The following DLGAP1 variants were observed in gnomAD, a reference collection of about 807,000 sequenced individuals.
DLGAP1 encodes the protein disks large-associated protein 1.
A neutral mutation model predicts 90.8 loss-of-function variants in DLGAP1; 11 were observed. The ratio of observed to expected loss-of-function variants is 0.12; its 90% CI spans 0.08 to 0.20. The LOEUF is 0.20. DLGAP1 is among the 10% of genes least tolerant of loss of function. The pLI, the probability that DLGAP1 is intolerant of heterozygous loss-of-function variation, is 1.00. For missense variants in DLGAP1, 1,050 were observed against 1,333.8 expected (o/e 0.79, Z 3.31); for synonymous variants, 558 against 540.7 (o/e 1.03, Z -0.44).
At chr18:3,608,662 T>A (rs755711299) in intron 7 of DLGAP1, among the ~76,000 whole-genome samples, 4 of 152,132 alleles carry the variant, frequency 2.6e-5, no homozygotes, top group Non-Finnish European at 5.9e-5. Flanking sequence ...CACGAGGGAA[T>A]GCTCTGACCT....
chr18:4,415,295 A>G (rs1270473539), intron 1 of DLGAP1, among the ~76,000 whole-genome samples: 1 of 152,162 alleles, frequency 6.6e-6, no homozygotes, highest in Non-Finnish European at 1.5e-5. Flanking sequence ...CAACTTTCTT[A>G]ATTAGTATCT....
At chr18:3,772,159 TCTTTCTCTCCTTC>T (rs1201746333) in intron 5 of DLGAP1, among the ~76,000 whole-genome samples, 57 of 128,146 alleles carry the variant, frequency 4.4e-4, no homozygotes, top group South Asian at 2.4e-3. Flanking sequence ...TCCTTCCCTT[TCTTTCTCTCCTTC>T]CTTTCTCTCC....
chr18:4,432,156 T>C (rs796532264), intron 1 of DLGAP1, among the ~76,000 whole-genome samples: 15 of 152,342 alleles, frequency 9.8e-5, no homozygotes, highest in African/African-American at 3.6e-4. Context: ...AGTCAAGTCA[T>C]ACTTTATAAG....
chr18:3,801,386 T>C (rs2066282982), intron 5 of DLGAP1, among the ~76,000 whole-genome samples: 2 of 152,234 alleles, frequency 1.3e-5, no homozygotes, highest in Non-Finnish European at 2.9e-5. Flanking sequence ...TACCATTCTT[T>C]CCCTGCAGCA....
chr18:4,146,982 C>T (rs77692427), intron 2 of DLGAP1, among the ~76,000 whole-genome samples: 221 of 152,018 alleles, frequency 1.5e-3, no homozygotes, highest in African/African-American at 5.2e-3. Flanking sequence ...GTTATTTTAG[C>T]AAGAAAAGTA....
At chr18:4,292,169 C>T (rs1469862890) in intron 1 of DLGAP1, among the ~76,000 whole-genome samples, 2 of 152,014 alleles carry the variant, frequency 1.3e-5, no homozygotes, top group East Asian at 3.8e-4. Context: ...ATAGCATAAG[C>T]AATATGGAAT....
At chr18:3,661,885 T>G (rs1251009845) in intron 7 of DLGAP1, among the ~76,000 whole-genome samples, 1 of 152,066 alleles carries the variant, frequency 6.6e-6, no homozygotes. Flanking sequence ...CCCGGCCAGC[T>G]GTAAGGTCTT....
intron 1 of DLGAP1, among the ~76,000 whole-genome samples, chr18:4,284,248 G>A (rs1243243709): frequency 2.7e-5 from 4 of 150,528 alleles, no homozygotes; most frequent in Admixed American, 2.7e-4. Flanking sequence ...GCAGGGAGAA[G>A]CCTTTCAGCA....
intron 1 of DLGAP1, among the ~76,000 whole-genome samples, chr18:4,240,114 C>A (rs527903765): frequency 2.0e-5 from 3 of 152,210 alleles, no homozygotes; most frequent in Non-Finnish European, 4.4e-5. Flanking sequence ...GAAATGCAAA[C>A]TGGTTTTCAG....
intron 7 of DLGAP1, chr18:3,708,430 G>C: frequency 8.8e-6 from 4 of 456,656 alleles, no homozygotes; most frequent in Non-Finnish European, 1.3e-5. Flanking sequence ...TTTTGCCTGA[G>C]TGGTATCAGG....
At chr18:3,584,008 G>T (rs2055727566) in intron 7 of DLGAP1, among the ~76,000 whole-genome samples, 1 of 152,048 alleles carries the variant, frequency 6.6e-6, no homozygotes. Flanking sequence ...CGTACAAGGG[G>T]GTCAAGGTCT....
At chr18:3,973,820 T>C (rs770160963) in intron 3 of DLGAP1, among the ~76,000 whole-genome samples, 5 of 152,218 alleles carry the variant, frequency 3.3e-5, no homozygotes, top group Non-Finnish European at 5.9e-5. Flanking sequence ...TGTAGAGTCA[T>C]GCACAGTTGA....
chr18:4,354,252 T>A (rs1203958937), intron 1 of DLGAP1, among the ~76,000 whole-genome samples: 1 of 152,056 alleles, frequency 6.6e-6, no homozygotes, highest in Non-Finnish European at 1.5e-5. Context: ...CCAGAACCCC[T>A]CTCCTCCAAA....
At chr18:3,955,326 C>T (rs904726725) in intron 3 of DLGAP1, among the ~76,000 whole-genome samples, 1 of 152,132 alleles carries the variant, frequency 6.6e-6, no homozygotes, top group Non-Finnish European at 1.5e-5. Flanking sequence ...TTAACTGTAT[C>T]AGAACAAAAC....
intron 1 of DLGAP1, among the ~76,000 whole-genome samples, chr18:4,363,368 G>A (rs1469800863): frequency 6.6e-6 from 1 of 152,174 alleles, no homozygotes; most frequent in Non-Finnish European, 1.5e-5. Context: ...GGATCCTTGG[G>A]AAAAGGTGGA....
At chr18:4,060,584 C>T (rs2075285030) in intron 2 of DLGAP1, among the ~76,000 whole-genome samples, 1 of 152,150 alleles carries the variant, frequency 6.6e-6, no homozygotes, top group African/African-American at 2.4e-5. Context: ...GGAAGAATAG[C>T]TTCTACAGTA....
At chr18:4,042,069 T>C (rs2074983342) in intron 2 of DLGAP1, among the ~76,000 whole-genome samples, 1 of 152,174 alleles carries the variant, frequency 6.6e-6, no homozygotes, top group Non-Finnish European at 1.5e-5. Context: ...GTGTGTTCCT[T>C]TAAAGAAGAG....
intron 1 of DLGAP1, among the ~76,000 whole-genome samples, chr18:4,203,883 T>G (rs945607483): frequency 6.6e-5 from 10 of 152,212 alleles, no homozygotes; most frequent in Non-Finnish European, 1.2e-4. Context: ...AGCTTCCTAC[T>G]CAGCCCGAGG....
At chr18:3,990,184 G>A (rs1390396539) in intron 3 of DLGAP1, among the ~76,000 whole-genome samples, 1 of 152,160 alleles carries the variant, frequency 6.6e-6, no homozygotes, top group East Asian at 1.9e-4. Flanking sequence ...ACATGCACGT[G>A]TATGTTTATT....
Sources: gnomAD v4.1 joint callset for allele counts (sites outside exome capture counted in the v4.1 genomes callset) on GRCh38, gnomAD v4.1.1 for gene constraint, MANE v1.5 for transcripts, NCBI Gene and HGNC (gene_info 2026-07-23, HGNC 2026-07-21) for gene names.